NRG3: variants seen among roughly 807,000 people sequenced by gnomAD.
NRG3 encodes pro-neuregulin-3, membrane-bound isoform.
Under a neutral mutation model 66.9 loss-of-function variants are expected in NRG3, and 31 were observed. That is an observed-to-expected ratio of 0.46 (90% CI 0.35 to 0.63). The LOEUF is 0.63. Among genes scored for constraint, NRG3 ranks in the 20% least tolerant of loss-of-function variants. The pLI is 0.00. For synonymous variants in NRG3, 393 were observed against 359.4 expected (o/e 1.09, Z -1.06); for missense variants, 910 against 878.9 (o/e 1.04, Z -0.45).
intron 2 of NRG3, among the ~76,000 whole-genome samples, chr10:82,537,085 T>C (rs1565041790): frequency 6.6e-6 from 1 of 152,016 alleles, no homozygotes; most frequent in Non-Finnish European, 1.5e-5. Flanking sequence ...GGTTACTCAC[T>C]GTAAAATGCA....
intron 2 of NRG3, among the ~76,000 whole-genome samples, chr10:82,475,816 C>T (rs1841723086): frequency 6.6e-6 from 1 of 151,940 alleles, no homozygotes; most frequent in Non-Finnish European, 1.5e-5. Context: ...AAGCCATAAG[C>T]AACAGCAACA....
At chr10:82,882,098 T>C (rs1208297638) in intron 4 of NRG3, among the ~76,000 whole-genome samples, 3 of 152,194 alleles carry the variant, frequency 2.0e-5, no homozygotes, top group African/African-American at 7.2e-5. Flanking sequence ...TCCATGCCCG[T>C]CTTTTCTGCA....
At chr10:82,760,814 C>A (rs1329018521) in intron 3 of NRG3, among the ~76,000 whole-genome samples, 1 of 151,758 alleles carries the variant, frequency 6.6e-6, no homozygotes, top group African/African-American at 2.4e-5. Flanking sequence ...AATAAGAAAT[C>A]TATTACATTT....
intron 1 of NRG3, among the ~76,000 whole-genome samples, chr10:82,139,718 C>T (rs1222517213): frequency 6.6e-6 from 1 of 152,110 alleles, no homozygotes; most frequent in Non-Finnish European, 1.5e-5. Context: ...TCAAGGTGTA[C>T]ACTTTTTTCC....
intron 1 of NRG3, among the ~76,000 whole-genome samples, chr10:82,033,501 T>C (rs2062661672): frequency 6.6e-6 from 1 of 152,140 alleles, no homozygotes; most frequent in African/African-American, 2.4e-5. Context: ...GGCATTATAA[T>C]TCCATATTTA....
At chr10:82,890,651 T>TA (rs978519097) in intron 4 of NRG3, among the ~76,000 whole-genome samples, 2 of 152,210 alleles carry the variant, frequency 1.3e-5, no homozygotes, top group Non-Finnish European at 2.9e-5. Context: ...CGTTGGACCA[T>TA]AAGATATATG....
intron 1 of NRG3, among the ~76,000 whole-genome samples, chr10:82,194,056 A>T (rs962509319): frequency 6.6e-6 from 1 of 152,214 alleles, no homozygotes; most frequent in Non-Finnish European, 1.5e-5. Context: ...ACTCCAGCCA[A>T]GAGAACCTTT....
chr10:82,955,488 T>C (rs1849957080), intron 5 of NRG3, among the ~76,000 whole-genome samples: 1 of 151,906 alleles, frequency 6.6e-6, no homozygotes, highest in Admixed American at 6.6e-5. Flanking sequence ...TTAAGAATGA[T>C]GGGGATGAGT....
At chr10:82,899,930 A>G (rs1844046423) in intron 4 of NRG3, among the ~76,000 whole-genome samples, 1 of 152,234 alleles carries the variant, frequency 6.6e-6, no homozygotes, top group Admixed American at 6.5e-5. Flanking sequence ...GCATTGCTAT[A>G]AAGAAACACC....
At chr10:82,678,813 A>G (rs2053905515) in intron 2 of NRG3, among the ~76,000 whole-genome samples, 1 of 152,092 alleles carries the variant, frequency 6.6e-6, no homozygotes. Flanking sequence ...TGCCTACTGC[A>G]TTTTATGGAG....
Position 82,850,088 on chromosome 10 carries a change from C to T in NRG3, c.1028-15323C>T, listed in dbSNP as rs763218279. On this transcript the variant is annotated intron_variant, in intron 3 of 8. Transcript: ENST00000372141. ...GGTTGGTAGAAGACAGAAGGGGCTA[C>T]GTGAACAGTTAGACAAAGCATTGCA... Among the ~76,000 whole-genome samples the T allele has an allele frequency of 2.6e-5, 4 of 152,210 alleles. No individual in the cohort carries two copies. In the East Asian group the frequency reaches 5.8e-4, roughly 22 times the overall value.
At chr10:82,746,980 G>A (rs775952708) in intron 3 of NRG3, among the ~76,000 whole-genome samples, 12 of 152,104 alleles carry the variant, frequency 7.9e-5, no homozygotes, top group Non-Finnish European at 1.3e-4. Flanking sequence ...CTACTTGGGA[G>A]GCTGAAGCTG....
chr10:82,391,520 A>G (rs1166869090), intron 2 of NRG3, among the ~76,000 whole-genome samples: 1 of 152,138 alleles, frequency 6.6e-6, no homozygotes, highest in Non-Finnish European at 1.5e-5. Context: ...CCAACGGAAC[A>G]TAAGTGGGAG....
chr10:82,971,695 C>T (rs1316416333), intron 6 of NRG3, among the ~76,000 whole-genome samples: 4 of 151,962 alleles, frequency 2.6e-5, no homozygotes, highest in Non-Finnish European at 4.4e-5. Context: ...CCTCAGCTTC[C>T]CAAAATTCTG....
intron 4 of NRG3, among the ~76,000 whole-genome samples, chr10:82,933,709 C>T (rs1178631211): frequency 1.3e-5 from 2 of 152,164 alleles, no homozygotes; most frequent in Non-Finnish European, 2.9e-5. Flanking sequence ...ATCTTTATGA[C>T]TTAGTCCTGT....
intron 4 of NRG3, among the ~76,000 whole-genome samples, chr10:82,942,084 T>C (rs1385344360): frequency 6.6e-6 from 1 of 152,080 alleles, no homozygotes; most frequent in Non-Finnish European, 1.5e-5. Context: ...TTGAGCTCAG[T>C]GTCTTTTAGG....
chr10:82,440,695 C>T (rs1047727395), intron 2 of NRG3, among the ~76,000 whole-genome samples: 2 of 152,026 alleles, frequency 1.3e-5, no homozygotes. Context: ...ATCCAGGAGG[C>T]TGCAAGAAGA....
intron 2 of NRG3, among the ~76,000 whole-genome samples, chr10:82,731,773 C>G (rs2057920209): frequency 6.6e-6 from 1 of 152,106 alleles, no homozygotes. Context: ...AATTTTATTT[C>G]CTTTGTCTAT....
intron 3 of NRG3, among the ~76,000 whole-genome samples, chr10:82,835,951 G>A (rs192525707): frequency 1.3e-5 from 2 of 152,258 alleles, no homozygotes; most frequent in Admixed American, 6.6e-5. Flanking sequence ...AGAAAGGACT[G>A]TTTAGAGCGA....
Sources: allele counts gnomAD v4.1 joint callset (sites outside exome capture counted in the v4.1 genomes callset), GRCh38; gene constraint gnomAD v4.1.1; transcripts MANE v1.5; gene names NCBI Gene and HGNC (gene_info 2026-07-23, HGNC 2026-07-21).